Variants in TMTC2 observed in about 807,000 individuals in gnomAD.
The protein encoded by TMTC2 is protein O-mannosyl-transferase TMTC2.
Under a neutral mutation model 82.4 loss-of-function variants are expected in TMTC2, and 43 were observed. The ratio of observed to expected loss-of-function variants is 0.52; its 90% confidence interval spans 0.41 to 0.67. TMTC2 has a LOEUF of 0.67. Among genes scored for constraint, TMTC2 ranks in the 30% least tolerant of loss-of-function variants. The pLI, the probability that TMTC2 is intolerant of heterozygous loss-of-function variation, is 0.00. For missense variants in TMTC2, 919 were observed against 1,012.4 expected, an observed-to-expected ratio of 0.91 and a Z score of 1.25; for synonymous variants, 408 against 381.9, an observed-to-expected ratio of 1.07 and a Z score of -0.80.
At chr12:82,789,948 C>T (rs569782290) in intron 1 of TMTC2, among the ~76,000 whole-genome samples, 1 of 152,212 alleles carries the variant, frequency 6.6e-6, no homozygotes, top group South Asian at 2.1e-4. Context: ...CACAGTGGCT[C>T]ATGCCTGTAA....
At chr12:82,994,080 CCT>C (rs559687970) in intron 8 of TMTC2, among the ~76,000 whole-genome samples, 22 of 152,196 alleles carry the variant, frequency 1.4e-4, no homozygotes, top group Middle Eastern at 3.4e-3. Context: ...GCCCTCTACC[CCT>C]GTTTCTGTTC....
intron 1 of TMTC2, among the ~76,000 whole-genome samples, chr12:82,727,492 G>C (rs923439854): frequency 6.6e-6 from 1 of 151,848 alleles, no homozygotes; most frequent in Non-Finnish European, 1.5e-5. Flanking sequence ...TCACGGTGGA[G>C]GGTGGATCAC....
intron 2 of TMTC2, among the ~76,000 whole-genome samples, chr12:82,881,612 C>T (rs1872827319): frequency 6.6e-6 from 1 of 152,158 alleles, no homozygotes; most frequent in African/African-American, 2.4e-5. Context: ...CCTTTGTTCC[C>T]AAACATCTGA....
At chr12:82,880,186 G>T (rs1263811969) in intron 2 of TMTC2, among the ~76,000 whole-genome samples, 2 of 152,154 alleles carry the variant, frequency 1.3e-5, no homozygotes, top group Non-Finnish European at 2.9e-5. Flanking sequence ...AATTTCTGGT[G>T]TGTTTCATTT....
intron 2 of TMTC2, among the ~76,000 whole-genome samples, chr12:82,870,970 ATCT>A (rs1351264631): frequency 6.6e-6 from 1 of 152,154 alleles, no homozygotes; most frequent in Non-Finnish European, 1.5e-5. Flanking sequence ...CTGCAGTATA[ATCT>A]TCTCCCTGGC....
At chr12:82,877,239 T>G (rs1316426093) in intron 2 of TMTC2, among the ~76,000 whole-genome samples, 2 of 152,206 alleles carry the variant, frequency 1.3e-5, no homozygotes, top group Non-Finnish European at 2.9e-5. Flanking sequence ...ATTTAAAAAT[T>G]AGATTAAAAA....
At chr12:83,046,269 T>C (rs1345422824) in intron 9 of TMTC2, among the ~76,000 whole-genome samples, 3 of 152,160 alleles carry the variant, frequency 2.0e-5, no homozygotes, top group Non-Finnish European at 4.4e-5. Context: ...GTCCAGAGTA[T>C]GGTGAAAAAC....
At chr12:82,949,891 T>C (rs2137277413) in intron 4 of TMTC2, among the ~76,000 whole-genome samples, 1 of 152,274 alleles carries the variant, frequency 6.6e-6, no homozygotes, top group South Asian at 2.1e-4. Flanking sequence ...GTGTATTGGT[T>C]GTGATGCATT....
intron 8 of TMTC2, among the ~76,000 whole-genome samples, chr12:83,019,420 A>G (rs1195672972): frequency 1.3e-5 from 2 of 152,106 alleles, no homozygotes; most frequent in African/African-American, 4.8e-5. Context: ...ATGTTATGAA[A>G]TCTAGTGGAT....
At chr12:82,744,084 G>A (rs7298170) in intron 1 of TMTC2, among the ~76,000 whole-genome samples, 131,234 of 152,012 alleles carry the variant, frequency 0.86, 56,899 homozygotes, top group East Asian at 0.99. Flanking sequence ...ACTGGCCTGC[G>A]TAACAAAACG....
chr12:83,126,670 A>C (rs1008771498), intron 11 of TMTC2, among the ~76,000 whole-genome samples: 2 of 152,114 alleles, frequency 1.3e-5, no homozygotes, highest in African/African-American at 4.8e-5. Context: ...GTGAGTATGT[A>C]TATGGGTGGG....
chr12:82,758,086 T>C (rs1222168670), intron 1 of TMTC2, among the ~76,000 whole-genome samples: 1 of 152,152 alleles, frequency 6.6e-6, no homozygotes, highest in Admixed American at 6.6e-5. Context: ...AAATTTTACC[T>C]TATTTTATAT....
chr12:82,976,170 T>C (rs1168529861), intron 7 of TMTC2, among the ~76,000 whole-genome samples: 1 of 152,164 alleles, frequency 6.6e-6, no homozygotes, highest in Non-Finnish European at 1.5e-5. Context: ...TGTGGATTGA[T>C]TATTTTAGTG....
intron 8 of TMTC2, among the ~76,000 whole-genome samples, chr12:83,023,179 C>A (rs892103476): frequency 4.6e-5 from 7 of 152,100 alleles, no homozygotes; most frequent in Non-Finnish European, 1.0e-4. Context: ...TTTTTATGAA[C>A]CCTCAGGAAT....
intron 8 of TMTC2, among the ~76,000 whole-genome samples, chr12:82,998,449 T>TA (rs942958988): frequency 6.6e-6 from 1 of 151,942 alleles, no homozygotes; most frequent in Admixed American, 6.6e-5. Flanking sequence ...GAATACTAGT[T>TA]AAAAAAAACA....
chr12:82,803,451 A>C (rs886512163), intron 1 of TMTC2, among the ~76,000 whole-genome samples: 2 of 152,140 alleles, frequency 1.3e-5, no homozygotes, highest in Non-Finnish European at 2.9e-5. Flanking sequence ...GATGGGTCAC[A>C]GTTGTTACAT....
At chr12:82,694,679 G>A (rs1310911451) in intron 1 of TMTC2, among the ~76,000 whole-genome samples, 2 of 151,936 alleles carry the variant, frequency 1.3e-5, no homozygotes, top group African/African-American at 4.8e-5. Flanking sequence ...TGTGTGCTAG[G>A]TATTATCAAA....
chr12:82,800,151 A>G (rs781250508), intron 1 of TMTC2, among the ~76,000 whole-genome samples: 1 of 152,098 alleles, frequency 6.6e-6, no homozygotes, highest in African/African-American at 2.4e-5. Context: ...GAAGGTAATA[A>G]TAGTGTCTCT....
intron 1 of TMTC2, among the ~76,000 whole-genome samples, chr12:82,816,461 A>G (rs1207054174): frequency 6.6e-6 from 1 of 152,088 alleles, no homozygotes; most frequent in Non-Finnish European, 1.5e-5. Context: ...GGAGACTGCC[A>G]GGGAGTCTCC....
Sources: gnomAD v4.1 joint callset for allele counts (sites outside exome capture counted in the v4.1 genomes callset) on GRCh38, gnomAD v4.1.1 for gene constraint, MANE v1.5 for transcripts, NCBI Gene and HGNC (gene_info 2026-07-23, HGNC 2026-07-21) for gene names.